Variants in EDEM3 observed in about 807,000 individuals in gnomAD.
EDEM3 encodes ER degradation-enhancing alpha-mannosidase-like protein 3.
A neutral mutation model predicts 110.2 loss-of-function variants in EDEM3; 60 were observed. The ratio of observed to expected loss-of-function variants is 0.54; its 90% CI spans 0.44 to 0.67. The LOEUF is 0.67. EDEM3 is among the 30% of genes least tolerant of loss of function. The pLI is 0.00. For missense variants in EDEM3, 996 were observed against 1,121.0 expected (o/e 0.89, Z 1.59); for synonymous variants, 352 against 382.9 (o/e 0.92, Z 0.94).
At chr1:184,726,105 C>G in intron 7 of EDEM3, 150 bp downstream of exon 7, 1 of 1,111,532 alleles carries the variant, frequency 9.0e-7, no homozygotes, top group Non-Finnish European at 1.2e-6. Context: ...AGGTTTTTGA[C>G]AATTAAAAAC....
chr1:184,748,321 C>T (rs1652549897), intron 2 of EDEM3, among the ~76,000 whole-genome samples: 1 of 152,024 alleles, frequency 6.6e-6, no homozygotes, highest in African/African-American at 2.4e-5. Context: ...GTGGCACACA[C>T]CTGTAATCCC....
At chr1:184,721,020 T>C (rs1051207049) in intron 9 of EDEM3, 1 of 304,792 alleles carries the variant, frequency 3.3e-6, no homozygotes. Flanking sequence ...CAAACAAGAT[T>C]AGGTAAAACT....
chr1:184,747,361 G>A (rs898523220), intron 2 of EDEM3, among the ~76,000 whole-genome samples: 1 of 152,172 alleles, frequency 6.6e-6, no homozygotes, highest in Non-Finnish European at 1.5e-5. Context: ...GTGTTTCTGA[G>A]TGTAGGGACC....
intron 17 of EDEM3, among the ~76,000 whole-genome samples, chr1:184,707,502 T>C (rs1649993677): frequency 6.6e-6 from 1 of 152,206 alleles, no homozygotes; most frequent in Non-Finnish European, 1.5e-5. Context: ...TCAATCTATA[T>C]AGCTTCTACA....
At chr1:184,734,077 T>C (rs1016620421) in intron 5 of EDEM3, among the ~76,000 whole-genome samples, 5 of 152,232 alleles carry the variant, frequency 3.3e-5, no homozygotes, top group Admixed American at 6.5e-5. Context: ...CCACAGACTC[T>C]GTGTTTCATA....
In EDEM3 at chr1:184,707,150, G is replaced by A. The variant is rs114390292; in HGVS notation, c.2038-342C>T. Among the ~76,000 whole-genome samples the A allele has an allele frequency of 2.9e-3, 438 of 152,216 alleles. 5 individuals carry two copies. In the East Asian group the frequency reaches 0.036, roughly 12 times the overall value. ...CGTAATTTGCTCACAATGTTAACAC[G>A]ATGTTACTAAGCAGTAAAGTTGGGA... On this transcript the variant is annotated intron_variant, in intron 17 of 19. Transcript: ENST00000318130.
At chr1:184,731,238 G>A (rs1212082803) in intron 6 of EDEM3, among the ~76,000 whole-genome samples, 1 of 152,126 alleles carries the variant, frequency 6.6e-6, no homozygotes, top group African/African-American at 2.4e-5. Context: ...TAAATCAGAA[G>A]AGCTATTTCC....
In EDEM3 at chr1:184,693,308, C is replaced by T. The variant is rs1478123794; in HGVS notation, c.*755G>A. Reference sequence around the variant, plus strand: ...TTCATATTGCAACATTACAGTTTCTCCCTTACTCCATTTTTCAGAAGTATT... The same window carrying T: ...TTCATATTGCAACATTACAGTTTCTTCCTTACTCCATTTTTCAGAAGTATT... On this transcript the variant is annotated 3_prime_UTR_variant, in exon 20 of 20. Coordinates refer to ENST00000318130, the MANE Select transcript of EDEM3 (RefSeq NM_025191.4). The T allele has an allele frequency of 6.5e-6, 1 of 154,298 alleles. No individual in the cohort carries two copies. Among genetic ancestry groups the T allele is most frequent in the Non-Finnish European group, 1.5e-5 (1 of 68,172 alleles). 9.6% of individuals were successfully genotyped at this position (154,298 alleles called of 1,614,324 possible). A position where few individuals can be genotyped will look rare whatever the true frequency, so the allele number is the denominator to read the frequency against.
intron 18 of EDEM3, among the ~76,000 whole-genome samples, 176 bp from the exon 19 acceptor site, chr1:184,703,172 A>C (rs1337279960): frequency 6.6e-6 from 1 of 152,222 alleles, no homozygotes; most frequent in Non-Finnish European, 1.5e-5. Flanking sequence ...AAAGGAAATA[A>C]TTCAAAAGTA....
intron 18 of EDEM3, 37 bp downstream of exon 18, chr1:184,706,606 C>T (rs1003422169): frequency 5.1e-5 from 76 of 1,488,790 alleles, no homozygotes; most frequent in Non-Finnish European, 6.1e-5. Flanking sequence ...AAATTATCTC[C>T]CCTTCAGTCA....
intron 6 of EDEM3, among the ~76,000 whole-genome samples, chr1:184,728,025 A>G (rs1651283254): frequency 6.6e-6 from 1 of 152,242 alleles, no homozygotes; most frequent in Non-Finnish European, 1.5e-5. Flanking sequence ...TATTTGCAAT[A>G]AGAATCAACA....
chr1:184,695,968 G>A (rs577440462), intron 19 of EDEM3, among the ~76,000 whole-genome samples: 22 of 152,070 alleles, frequency 1.4e-4, no homozygotes, highest in Middle Eastern at 6.8e-3. Context: ...CTCAGAACCA[G>A]TCTGTCTCTG....
intron 7 of EDEM3, among the ~76,000 whole-genome samples, chr1:184,725,463 G>A (rs1043817533): frequency 6.6e-6 from 1 of 151,920 alleles, no homozygotes; most frequent in Admixed American, 6.6e-5. Context: ...AAGTTTAAAA[G>A]ATTAACCAAC....
At chr1:184,722,678 A>G (rs1650968632) in intron 8 of EDEM3, among the ~76,000 whole-genome samples, 1 of 151,926 alleles carries the variant, frequency 6.6e-6, no homozygotes, top group Non-Finnish European at 1.5e-5. Context: ...ACAATACTGA[A>G]TAAAGGTAAT....
chr1:184,709,623 CTAAG>C (rs1442267408), intron 16 of EDEM3, among the ~76,000 whole-genome samples: 5 of 152,110 alleles, frequency 3.3e-5, no homozygotes, highest in African/African-American at 4.8e-5. Flanking sequence ...CATTGGCAGC[CTAAG>C]TAAGTAAAAG....
chr1:184,737,469 A>AAT, intron 3 of EDEM3, 142 bp downstream of exon 3: 1 of 674,542 alleles, frequency 1.5e-6, no homozygotes, highest in Non-Finnish European at 2.5e-6. Flanking sequence ...AACAGAAGGG[A>AAT]ATAAAGGAGC....
chr1:184,726,521 A>G (rs990811107), intron 6 of EDEM3, 132 bp from the exon 7 acceptor site: 6 of 985,278 alleles, frequency 6.1e-6, no homozygotes, highest in Admixed American at 5.5e-5. Flanking sequence ...CTGAAATTCA[A>G]TCTGATGATC....
Position 184,717,914 on chromosome 1 carries a change from C to T in EDEM3, c.1162-291G>A, listed in dbSNP as rs920359709. On this transcript the variant is annotated intron_variant, in intron 11 of 19. Coordinates refer to ENST00000318130, the MANE Select transcript of EDEM3 (RefSeq NM_025191.4). ...CCACTACATGGGTCCTGGTGGTAAA[C>T]ATAATTGTGTTTTCTTTTTATCCTT... 3.9e-5 allele frequency among the ~76,000 whole-genome samples: 6 copies of T among 151,928 alleles called. No individual in the cohort carries two copies. The East Asian group carries it at 9.6e-4, about 24-fold the overall frequency.
At position 184,732,902 on chromosome 1, in the gene EDEM3, C is replaced by T; in HGVS notation, c.547G>A (p.Ala183Thr). Reference sequence around the variant, plus strand: ...AAAAGTTTGTAACCTAACTGCTTTGCCATTTGGAGAAGTTCATCATTGTAC... The same window carrying T: ...AAAAGTTTGTAACCTAACTGCTTTGTCATTTGGAGAAGTTCATCATTGTAC... ...QWYNDELLQM[A>T]KQLGYKLLPA... The change falls in exon 6 of 20, where the codon GCA (alanine) becomes ACA (threonine). Residue 183 changes from alanine (A) to threonine (T), a missense_variant. Around this residue, in one of 5 missense-constraint regions of EDEM3, gnomAD observed 310 missense variants for 394.6 expected, o/e 0.79. Coordinates refer to ENST00000318130, the MANE Select transcript of EDEM3 (RefSeq NM_025191.4). 2 of 1,613,964 alleles carry T rather than the reference C, an allele frequency of 1.2e-6. No homozygotes were observed. Among genetic ancestry groups the T allele is most frequent in the South Asian group, 1.1e-5 (1 of 91,062 alleles).
Sources: allele counts gnomAD v4.1 joint callset (sites outside exome capture counted in the v4.1 genomes callset), GRCh38; gene constraint gnomAD v4.1.1; regional missense constraint gnomAD v4.1.1; transcripts MANE v1.5; gene names NCBI Gene and HGNC (gene_info 2026-07-23, HGNC 2026-07-21).